Variants in SSBP3 observed in about 807,000 individuals in gnomAD.
SSBP3 encodes the protein single-stranded DNA-binding protein 3.
In SSBP3, 5 loss-of-function variants were observed where a neutral mutation model predicts 69.6. That is an observed-to-expected ratio of 0.07 (90% CI 0.04 to 0.15). The LOEUF is 0.15. Ranked by LOEUF, SSBP3 falls within the 10% of genes least tolerant of loss-of-function variation. The pLI is 1.00. For missense variants in SSBP3, 312 were observed against 534.0 expected (o/e 0.58, Z 4.10); for synonymous variants, 196 against 193.4 (o/e 1.01, Z -0.11).
intron 5 of SSBP3, among the ~76,000 whole-genome samples, chr1:54,263,311 A>T (rs1157444444): frequency 6.6e-6 from 1 of 152,342 alleles, no homozygotes; most frequent in East Asian, 1.9e-4. Context: ...CCTGCACTTC[A>T]TCTGAAGCCG....
At chr1:54,390,154 G>A (rs200915745) in intron 4 of SSBP3, among the ~76,000 whole-genome samples, 1 of 152,176 alleles carries the variant, frequency 6.6e-6, no homozygotes, top group South Asian at 2.1e-4. Context: ...TTGTCCAACA[G>A]GGAGATACCT....
At chr1:54,343,418 T>C (rs1375691786) in intron 4 of SSBP3, among the ~76,000 whole-genome samples, 1 of 152,176 alleles carries the variant, frequency 6.6e-6, no homozygotes, top group Non-Finnish European at 1.5e-5. Flanking sequence ...CAGAGCTCAG[T>C]AGACATGAAC....
At chr1:54,226,866 G>T (rs1301074541) in exon 18 of SSBP3, 2 of 490,684 alleles carry the variant, frequency 4.1e-6, no homozygotes, top group Non-Finnish European at 7.6e-6. Flanking sequence ...AGGGCAAGGG[G>T]TGGGATTTTT....
chr1:54,403,561 A>G (rs1649459172), intron 3 of SSBP3, among the ~76,000 whole-genome samples: 1 of 152,206 alleles, frequency 6.6e-6, no homozygotes, highest in Admixed American at 6.5e-5. Context: ...AGGTTGGCAG[A>G]AGTAATTAAA....
intron 4 of SSBP3, among the ~76,000 whole-genome samples, chr1:54,340,596 T>C (rs945023461): frequency 6.6e-6 from 1 of 152,258 alleles, no homozygotes; most frequent in African/African-American, 2.4e-5. Context: ...GGAAAGTTAC[T>C]CTGGGAATGG....
intron 4 of SSBP3, among the ~76,000 whole-genome samples, chr1:54,342,330 A>T (rs1646623248): frequency 6.6e-6 from 1 of 152,236 alleles, no homozygotes; most frequent in South Asian, 2.1e-4. Context: ...TCTTACGGTC[A>T]GGTTAATGCA....
At chr1:54,243,644 G>C (rs1037198056) in intron 9 of SSBP3, among the ~76,000 whole-genome samples, 5 of 152,176 alleles carry the variant, frequency 3.3e-5, no homozygotes, top group African/African-American at 1.2e-4. Flanking sequence ...GGTAAGAGGG[G>C]ATGGACTTGG....
intron 4 of SSBP3, among the ~76,000 whole-genome samples, chr1:54,380,719 G>C (rs1212530594): frequency 6.6e-6 from 1 of 152,158 alleles, no homozygotes; most frequent in African/African-American, 2.4e-5. Context: ...GGTGACCACA[G>C]CCTGGTTGTA....
At chr1:54,317,870 A>G (rs1646142304) in intron 4 of SSBP3, among the ~76,000 whole-genome samples, 1 of 152,082 alleles carries the variant, frequency 6.6e-6, no homozygotes, top group Non-Finnish European at 1.5e-5. Context: ...GGTTCGAGTG[A>G]TTCTCCTGCC....
At chr1:54,247,875 A>G (rs954519138) in intron 9 of SSBP3, among the ~76,000 whole-genome samples, 1 of 152,342 alleles carries the variant, frequency 6.6e-6, no homozygotes, top group East Asian at 1.9e-4. Flanking sequence ...ACTGACATAC[A>G]TAAAACTTTT....
chr1:54,226,121 C>G (rs1384523178), exon 18 of SSBP3: 2 of 152,320 alleles, frequency 1.3e-5, no homozygotes, highest in Non-Finnish European at 1.5e-5. Context: ...GTGGCAGCCT[C>G]TCCCACTCTG....
rs1425012315 is a variant in SSBP3 at position 54,404,817 on chromosome 1, G to GGA, written c.129+40_129+41insTC. 5.6e-6 allele frequency: 6 copies of GGA among 1,074,186 alleles called. 1 individual carries two copies. In the African/African-American group the frequency reaches 1.0e-4, roughly 18 times the overall value. 66.5% of individuals were successfully genotyped at this position (1,074,186 alleles called of 1,614,324 possible). On this transcript the variant is annotated intron_variant, in intron 2 of 17. Transcript: ENST00000610401. ...AAGGCTCTAAGAATAGTGGGGGGGG[G>GGA]GGGTGTCAAGAAATTGGATGCTGGG...
chr1:54,391,925 A>G (rs1345866222), intron 4 of SSBP3, among the ~76,000 whole-genome samples: 1 of 152,172 alleles, frequency 6.6e-6, no homozygotes, highest in East Asian at 1.9e-4. Flanking sequence ...GCTGCCCCAC[A>G]GCCAGCCAGC....
At chr1:54,367,020 C>G (rs1056552343) in intron 4 of SSBP3, among the ~76,000 whole-genome samples, 1 of 152,154 alleles carries the variant, frequency 6.6e-6, no homozygotes, top group Non-Finnish European at 1.5e-5. Context: ...TATTATTTAC[C>G]CTGCGGGTTC....
intron 1 of SSBP3, among the ~76,000 whole-genome samples, chr1:54,412,474 A>G (rs1650018423): frequency 6.6e-6 from 1 of 152,228 alleles, no homozygotes; most frequent in Non-Finnish European, 1.5e-5. Flanking sequence ...TTCCGGTCAT[A>G]TGAAGTACCT....
rs1644639976 is a variant in SSBP3 at position 54,241,613 on chromosome 1, C to A, written c.766-104G>T. 8 of 1,273,410 alleles carry A rather than the reference C, an allele frequency of 6.3e-6. No individual in the cohort carries two copies. The Admixed American group carries it at 1.2e-4, about 20-fold the overall frequency. The allele number at this position is 1,273,410 out of a possible 1,614,324, so 78.9% of individuals were successfully genotyped here. ...CCACTCTTCACAGGAAAGGCATCGC[C>A]ACCCAGTGAGCTGGCCACCCACTTG... On this transcript the variant is annotated intron_variant, in intron 11 of 17. Coordinates refer to ENST00000610401, the Ensembl canonical transcript of SSBP3.
chr1:54,381,142 T>A (rs1647602303), intron 4 of SSBP3, among the ~76,000 whole-genome samples: 2 of 151,926 alleles, frequency 1.3e-5, no homozygotes, highest in African/African-American at 2.4e-5. Flanking sequence ...CCCAGCACTC[T>A]GGGAGGCCGA....
chr1:54,341,828 A>G (rs1471670993), intron 4 of SSBP3, among the ~76,000 whole-genome samples: 1 of 152,022 alleles, frequency 6.6e-6, no homozygotes, highest in Non-Finnish European at 1.5e-5. Flanking sequence ...CTGAAAAATG[A>G]GCAGGTACTA....
intron 4 of SSBP3, among the ~76,000 whole-genome samples, chr1:54,305,633 A>AG (rs1553135347): frequency 2.7e-5 from 4 of 148,832 alleles, no homozygotes; most frequent in South Asian, 4.2e-4. Flanking sequence ...AAAAAAAAAA[A>AG]AGAGAGAGAG....
Sources: allele counts gnomAD v4.1 joint callset (sites outside exome capture counted in the v4.1 genomes callset), GRCh38; gene constraint gnomAD v4.1.1; transcripts MANE v1.5; gene names NCBI Gene and HGNC (gene_info 2026-07-23, HGNC 2026-07-21).